The following HCK variants were observed in gnomAD, a reference collection of about 807,000 sequenced individuals.
HCK encodes the protein HCK proto-oncogene, Src family tyrosine kinase, also known as tyrosine-protein kinase HCK.
In HCK, 40 loss-of-function variants were observed where a neutral mutation model predicts 70.4. That is an observed-to-expected ratio of 0.57 (90% CI 0.44 to 0.74). HCK has a LOEUF of 0.74. HCK is among the 30% of genes least tolerant of loss of function. HCK has a pLI of 0.00. For missense variants in HCK, 568 were observed against 697.2 expected (o/e 0.81, Z 2.09); for synonymous variants, 245 against 263.2 (o/e 0.93, Z 0.67).
At chr20:32,098,335 A>G (rs921371792) in intron 11 of HCK, among the ~76,000 whole-genome samples, 1 of 152,074 alleles carries the variant, frequency 6.6e-6, no homozygotes, top group African/African-American at 2.4e-5. Context: ...CTGGCCAAAA[A>G]AATTTTTTTA....
intron 5 of HCK, among the ~76,000 whole-genome samples, chr20:32,077,219 G>A (rs2045639930): frequency 6.6e-6 from 1 of 152,172 alleles, no homozygotes. Flanking sequence ...TGGGAATCAG[G>A]GCGGGATGGA....
intron 6 of HCK, 37 bp from the exon 7 acceptor site, chr20:32,083,857 G>T (rs1246934241): frequency 6.2e-7 from 1 of 1,613,472 alleles, no homozygotes; most frequent in Non-Finnish European, 8.5e-7. Context: ...AGGCCTCCAA[G>T]ATGCCATTCT....
intron 1 of HCK, among the ~76,000 whole-genome samples, chr20:32,053,376 G>A (rs935564415): frequency 1.3e-5 from 2 of 151,964 alleles, no homozygotes; most frequent in African/African-American, 4.8e-5. Context: ...GGTGGCACAC[G>A]CCTGTAATCT....
chr20:32,059,504 T>C (rs2045333816), intron 1 of HCK, among the ~76,000 whole-genome samples: 1 of 36,106 alleles, frequency 2.8e-5, no homozygotes, highest in South Asian at 7.2e-4. Flanking sequence ...CTTCTCTCTC[T>C]CTCTCTCTTT....
At chr20:32,068,175 G>T (rs945767566) in intron 1 of HCK, among the ~76,000 whole-genome samples, 5 of 152,002 alleles carry the variant, frequency 3.3e-5, no homozygotes, top group African/African-American at 1.2e-4. Context: ...GCACATGCCT[G>T]TAATCCCAGC....
At chr20:32,084,659 A>T (rs1044779964) in intron 8 of HCK, 116 bp downstream of exon 8, 39 of 900,700 alleles carry the variant, frequency 4.3e-5, no homozygotes, top group Non-Finnish European at 5.8e-5. Context: ...AGAGGGGGAG[A>T]TTTAAATAAT....
At chr20:32,091,260 C>G (rs2045859803) in intron 10 of HCK, among the ~76,000 whole-genome samples, 1 of 152,170 alleles carries the variant, frequency 6.6e-6, no homozygotes, top group Non-Finnish European at 1.5e-5. Context: ...AGTCCTTGCT[C>G]CAGAAGAAAA....
chr20:32,083,929 C>T lies in HCK; in HGVS notation c.568C>T (p.Arg190Trp), dbSNP rs376025420. ...TTTGTCCGTGCGAGACTACGACCCTCGGCAGGGAGATACCGTGAAACATTA... is the reference window on the plus strand; with the variant it reads ...TTTGTCCGTGCGAGACTACGACCCTTGGCAGGGAGATACCGTGAAACATTA... Residue 190 changes from arginine (R) to tryptophan (W), a missense_variant, in exon 7 of 13, where the codon CGG becomes TGG. By Grantham distance (101) the Arg-to-Trp change is moderately radical. Coordinates refer to ENST00000375852, the MANE Select transcript of HCK (RefSeq NM_002110.5). The T allele has an allele frequency of 5.0e-6, 8 of 1,614,172 alleles. No homozygotes were observed. The Admixed American group carries it at 6.7e-5, about 13-fold the overall frequency.
At chr20:32,070,480 G>A (rs1165662205) in intron 1 of HCK, among the ~76,000 whole-genome samples, 1 of 152,106 alleles carries the variant, frequency 6.6e-6, no homozygotes, top group Non-Finnish European at 1.5e-5. Flanking sequence ...CAGGGCCTTT[G>A]CATTTGCTGT....
intron 9 of HCK, among the ~76,000 whole-genome samples, chr20:32,087,928 A>C (rs1254571678): frequency 3.3e-5 from 5 of 152,070 alleles, no homozygotes; most frequent in Admixed American, 3.3e-4. Flanking sequence ...AGGCGTGAGC[A>C]ACTGCGCCCA....
intron 6 of HCK, among the ~76,000 whole-genome samples, chr20:32,082,603 C>T (rs1038033747): frequency 2.6e-5 from 4 of 152,124 alleles, no homozygotes; most frequent in Non-Finnish European, 2.9e-5. Context: ...GATTGCGCCA[C>T]TGCACTCCAG....
At chr20:32,074,483 G>T in intron 4 of HCK, 140 bp from the exon 5 acceptor site, 1 of 666,978 alleles carries the variant, frequency 1.5e-6, no homozygotes, top group East Asian at 2.6e-5. Flanking sequence ...ACATGCTGGG[G>T]CTGACATAGT....
chr20:32,052,561 C>T (rs1044402845), intron 1 of HCK, 75 bp downstream of exon 1: 2 of 1,071,974 alleles, frequency 1.9e-6, no homozygotes, highest in African/African-American at 1.6e-5. Flanking sequence ...GCCCAGGAGC[C>T]TGGGGAGGGC....
At chr20:32,060,645 A>G (rs2045356235) in intron 1 of HCK, among the ~76,000 whole-genome samples, 1 of 152,198 alleles carries the variant, frequency 6.6e-6, no homozygotes, top group South Asian at 2.1e-4. Context: ...TGGATAATAA[A>G]CAAATCAACA....
rs140947730 is a variant in HCK at position 32,063,523 on chromosome 20, ACAGG to A, written c.63-8136_63-8133del. On this transcript the variant is annotated intron_variant, in intron 1 of 12. Coordinates refer to ENST00000375852, the MANE Select transcript of HCK (RefSeq NM_002110.5). ...CTCAGCCTCCAAAAGTGCTGGGATT[ACAGG>A]CATGAGCCCCTGCACCCAGTCTCTA... 2.6e-4 allele frequency among the ~76,000 whole-genome samples: 40 copies of A among 152,288 alleles called. No individual in the cohort carries two copies. In the East Asian group the frequency reaches 5.8e-3, roughly 22 times the overall value.
chr20:32,077,307 A>C (rs756825979), intron 5 of HCK, among the ~76,000 whole-genome samples: 3 of 152,140 alleles, frequency 2.0e-5, no homozygotes, highest in Non-Finnish European at 4.4e-5. Context: ...GGAAGCATGC[A>C]GAAGAGTGAA....
rs557203114 is a variant in HCK at position 32,061,936 on chromosome 20, CTTTTTTT to C, written c.62+9465_62+9471del. Among the ~76,000 whole-genome samples, 18 of 122,044 alleles carry C rather than the reference CTTTTTTT, an allele frequency of 1.5e-4. No individual in the cohort carries two copies. The East Asian group carries it at 3.9e-3, about 27-fold the overall frequency. 80.1% of individuals were successfully genotyped at this position (122,044 alleles called of 152,430 possible). A position where few individuals can be genotyped will look rare whatever the true frequency, so the allele number is the denominator to read the frequency against. Reference sequence around the variant, plus strand: ...AGAGAAGGAATGCGATCTGACTTACCTTTTTTTTTTTTTTTTTTTTTGAGACGGACTC... The same window carrying C: ...AGAGAAGGAATGCGATCTGACTTACCTTTTTTTTTTTTTTGAGACGGACTC... On this transcript the variant is annotated intron_variant, in intron 1 of 12. Transcript: ENST00000375852.
intron 9 of HCK, among the ~76,000 whole-genome samples, chr20:32,087,808 A>T (rs1165014734): frequency 6.6e-6 from 1 of 151,872 alleles, no homozygotes; most frequent in Non-Finnish European, 1.5e-5. Context: ...TGCCTGGCCA[A>T]TTTTTTTGTA....
chr20:32,094,110 G>A (rs2045902225), intron 11 of HCK, 94 bp downstream of exon 11: 1 of 1,219,556 alleles, frequency 8.2e-7, no homozygotes. Flanking sequence ...TAAAATGCAA[G>A]GGACTGCCCC....
Sources: allele counts gnomAD v4.1 joint callset (sites outside exome capture counted in the v4.1 genomes callset), GRCh38; gene constraint gnomAD v4.1.1; transcripts MANE v1.5; gene names NCBI Gene and HGNC (gene_info 2026-07-23, HGNC 2026-07-21).